FES: variants seen among roughly 807,000 people sequenced by gnomAD.
The protein encoded by FES is tyrosine-protein kinase Fes/Fps.
In FES, 83 loss-of-function variants were observed where a neutral mutation model predicts 109.6. The observed-to-expected ratio is 0.76, with a 90% CI of 0.63 to 0.91. The LOEUF (loss-of-function observed/expected upper bound fraction) is 0.91, where lower values mean the gene tolerates loss of function less well. Among genes scored for constraint, FES ranks in the 40% least tolerant of loss-of-function variants. The pLI is 0.00. For missense variants in FES, 943 were observed against 1,070.9 expected (o/e 0.88, Z 1.67); for synonymous variants, 458 against 442.1 (o/e 1.04, Z -0.45).
rs1229920241 is a variant in FES, at chr15:90,885,178, G to C, written c.133G>C (p.Ala45Pro). ...GCGGGTCAAGAGTGACAGGGAGTATGCAGGACTGCTTCACCACATGTCCCT... is the reference window on the plus strand; with the variant it reads ...GCGGGTCAAGAGTGACAGGGAGTATCCAGGACTGCTTCACCACATGTCCCT... Reference protein sequence around the residue: ...AQRVKSDREYAGLLHHMSLQD... With the variant: ...AQRVKSDREYPGLLHHMSLQD... Residue 45 changes from alanine to proline, a missense_variant, in exon 2 of 19, where the codon GCA (alanine) becomes CCA (proline). Coordinates refer to ENST00000328850, the MANE Select transcript of FES (RefSeq NM_002005.4). 6.2e-7 allele frequency: 1 copy of C among 1,613,792 alleles called. No homozygotes were observed. Among genetic ancestry groups the C allele is most frequent in the Non-Finnish European group, 8.5e-7 (1 of 1,180,032 alleles).
Position 90,887,357 on chromosome 15 carries a change from A to G in FES, c.655A>G (p.Met219Val). The G allele has an allele frequency of 6.2e-7, 1 of 1,610,848 alleles. No homozygotes were observed. The highest frequency in any genetic ancestry group is 8.5e-7 in the Non-Finnish European group (1 of 1,178,702). The stretch of plus-strand genomic sequence containing the variant: ...GTCACTGCAGGACCTGCACGAGGAG[A>G]TGGCTTGCATCCTGTAAGCCCGCAG... ...LRSLQDLHEE[M>V]ACILKEILQE... The change falls in exon 5 of 19, where the codon ATG becomes GTG. Residue 219 changes from methionine (M) to valine (V), a missense_variant. By Grantham distance (21) the Met-to-Val change is conservative (BLOSUM62 1). Transcript: ENST00000328850.
intron 18 of FES, 44 bp from the exon 19 acceptor site, chr15:90,895,372 C>A (rs1285552384): frequency 6.8e-7 from 1 of 1,465,076 alleles, no homozygotes; most frequent in South Asian, 1.4e-5. Context: ...CGAGGACCCT[C>A]AAACTCCCTC....
chr15:90,890,999 G>T lies in FES; in HGVS notation c.1338G>T (p.Gln446His). Residue 446 changes from glutamine (Q) to histidine (H), a missense_variant, in exon 11 of 19, where the codon CAG (glutamine) becomes CAT (histidine). By Grantham distance (24) the Gln-to-His change is conservative. Coordinates refer to ENST00000328850, the MANE Select transcript of FES (RefSeq NM_002005.4). The stretch of plus-strand genomic sequence containing the variant: ...TTGCCCAGCTCCCTCCACCGCTGCA[G>T]CTCATTCCGGAGGTGCAGAAGCCCC... ...RPKFSLPPPL[Q>H]LIPEVQKPLH... 6.3e-7 allele frequency: 1 copy of T among 1,589,256 alleles called. No homozygotes were observed. The highest frequency in any genetic ancestry group is 1.8e-5 in the Admixed American group (1 of 57,102).
chr15:90,891,012 G>A lies in FES; in HGVS notation c.1351G>A (p.Val451Met). ...LPPPLQLIPE[V>M]QKPLHEQLWY... is the part of the protein sequence containing the mutation. ...TCCACCGCTGCAGCTCATTCCGGAGGTGCAGAAGCCCCTGCATGAGCAGCT... is the reference window on the plus strand; with the variant it reads ...TCCACCGCTGCAGCTCATTCCGGAGATGCAGAAGCCCCTGCATGAGCAGCT... Residue 451 changes from valine to methionine, a missense_variant, in exon 11 of 19, where the codon GTG (valine) becomes ATG (methionine). Val to Met is a conservative substitution (Grantham distance 21). Transcript: ENST00000328850. The A allele has an allele frequency of 6.3e-7, 1 of 1,594,450 alleles. No homozygotes were observed. Among genetic ancestry groups the A allele is most frequent in the Non-Finnish European group, 8.5e-7 (1 of 1,170,394 alleles).
intron 1 of FES, 170 bp from the exon 2 acceptor site, chr15:90,884,867 C>G (rs1159258948): frequency 4.7e-6 from 3 of 633,534 alleles, no homozygotes; most frequent in Non-Finnish European, 5.5e-6. Flanking sequence ...AGGGCCAGTC[C>G]CCAGGCCAGG....
intron 5 of FES, 73 bp downstream of exon 5, chr15:90,887,443 G>C: frequency 6.9e-7 from 1 of 1,447,542 alleles, no homozygotes. Context: ...CCCAGAGGCA[G>C]GACCCAGAAA....
chr15:90,889,368 T>A lies in FES; in HGVS notation c.731T>A (p.Ile244Asn). 6.2e-7 allele frequency: 1 copy of A among 1,614,010 alleles called. No individual in the cohort carries two copies. ...CTGGTGCAGGATGAGGTGGTGGCCATTCACCGGGAGATGGCTGCAGCTGCT... is the reference window on the plus strand; with the variant it reads ...CTGGTGCAGGATGAGGTGGTGGCCAATCACCGGGAGATGGCTGCAGCTGCT... ...SSLVQDEVVA[I>N]HREMAAAAAR... The change falls in exon 6 of 19, where the codon ATT (isoleucine) becomes AAT (asparagine). Residue 244 changes from isoleucine to asparagine, a missense_variant. Physicochemically the swap from Ile to Asn is moderately radical, Grantham distance 149. Coordinates refer to ENST00000328850, the MANE Select transcript of FES (RefSeq NM_002005.4). This position sits in a 1 kb window ranked among gnomAD's most constrained non-coding sequence, Gnocchi z 6.1.
rs1596111866 is a variant in FES at position 90,892,605 on chromosome 15, A to G, written c.1708-102A>G. On this transcript the variant is annotated intron_variant, in intron 13 of 18. Transcript: ENST00000328850. The stretch of plus-strand genomic sequence containing the variant: ...GAGAGCCTGGGTGAGGGGTCCGAAC[A>G]CGGGGGCCCCTCACCCAGGGGTAGG... 12 of 1,152,614 alleles carry G rather than the reference A, an allele frequency of 1.0e-5. No homozygotes were observed. In the East Asian group the frequency reaches 3.1e-4, roughly 30 times the overall value. 71.4% of individuals were successfully genotyped at this position (1,152,614 alleles called of 1,614,324 possible). A position where few individuals can be genotyped will look rare whatever the true frequency, so the allele number is the denominator to read the frequency against.
intron 5 of FES, among the ~76,000 whole-genome samples, chr15:90,888,444 G>C (rs1444070100): frequency 1.3e-5 from 2 of 152,230 alleles, no homozygotes; most frequent in Non-Finnish European, 2.9e-5. Context: ...TGGCTGCTGT[G>C]CTGCAAATAG....
At chr15:90,893,437 C>T (rs759664896) in intron 16 of FES, 23 bp downstream of exon 16, 3 of 1,525,700 alleles carry the variant, frequency 2.0e-6, no homozygotes, top group Non-Finnish European at 2.6e-6. Context: ...TGGCCACGGG[C>T]CCTGCCAACA....
At position 90,889,895 on chromosome 15, in the gene FES, C is replaced by T. The variant is rs373882072; in HGVS notation, c.982C>T (p.Gln328Ter). 6.2e-7 allele frequency: 1 copy of T among 1,613,628 alleles called. No homozygotes were observed. Among genetic ancestry groups the T allele is most frequent in the East Asian group, 2.2e-5 (1 of 44,832 alleles). ...GGCCACCGAGATGGTGTTCAGGCGG[C>T]AGGAGATGGTTACGCAGCTGCAACA... is the stretch of plus-strand genomic sequence containing the variant. ...AVATEMVFRR[Q>*]EMVTQLQQEL... The change falls in exon 8 of 19, where the codon CAG becomes TAG. Residue 328 changes from glutamine to a stop codon, truncating the protein, a stop_gained. Coordinates refer to ENST00000328850, the MANE Select transcript of FES (RefSeq NM_002005.4). LOFTEE classifies it high-confidence loss of function. This position sits in a 1 kb window ranked among gnomAD's most constrained non-coding sequence, Gnocchi z 6.1.
Position 90,889,687 on chromosome 15 carries a change from G to A in FES, c.926+51G>A, listed in dbSNP as rs746438688. 1.2e-5 allele frequency: 19 copies of A among 1,608,866 alleles called. No individual in the cohort carries two copies. The highest frequency in any genetic ancestry group is 3.3e-5 in the Admixed American group (2 of 59,958). ...TGCGGCGGGGCTCCCAGCAGACCAC[G>A]AGTGTTTATGTAGGCAGGGCTAGGT... On this transcript the variant is annotated intron_variant, in intron 7 of 18. Transcript: ENST00000328850. The surrounding 1 kb of genome is among the most constrained non-coding windows in gnomAD (Gnocchi z 6.1).
At chr15:90,894,657 T>A (rs1391015397) in intron 18 of FES, among the ~76,000 whole-genome samples, 1 of 152,090 alleles carries the variant, frequency 6.6e-6, no homozygotes, top group African/African-American at 2.4e-5. Flanking sequence ...TCCCTGCTAC[T>A]CGGGAGGCTG....
Position 90,887,384 on chromosome 15 carries a change from C to T in FES, c.668+14C>T, listed in dbSNP as rs1227136096. 1.3e-6 allele frequency: 2 copies of T among 1,599,160 alleles called. No individual in the cohort carries two copies. Among genetic ancestry groups the T allele is most frequent in the Non-Finnish European group, 1.7e-6 (2 of 1,171,620 alleles). On this transcript the variant is annotated intron_variant, in intron 5 of 18. Coordinates refer to ENST00000328850, the MANE Select transcript of FES (RefSeq NM_002005.4). ...GGCTTGCATCCTGTAAGCCCGCAGC[C>T]CCGTCCCCTGGCCCCCACCCTTGAG...
intron 18 of FES, among the ~76,000 whole-genome samples, chr15:90,894,763 C>A (rs2033558205): frequency 1.3e-5 from 2 of 149,926 alleles, no homozygotes; most frequent in South Asian, 4.2e-4. Flanking sequence ...GAGAGAGAGA[C>A]CTTGACTCGA....
intron 10 of FES, 81 bp downstream of exon 10, chr15:90,890,565 C>A: frequency 7.7e-7 from 1 of 1,300,920 alleles, no homozygotes; most frequent in African/African-American, 1.5e-5. Flanking sequence ...GAGGCTCTGC[C>A]CAGGCTGCTT....
intron 10 of FES, 149 bp from the exon 11 acceptor site, chr15:90,890,833 C>T: frequency 2.4e-6 from 2 of 822,396 alleles, no homozygotes; most frequent in Non-Finnish European, 1.9e-6. Context: ...GTCCAGTGCC[C>T]ACTCCAGGGG....
At chr15:90,893,843 G>T (rs763912744) in intron 17 of FES, 32 bp downstream of exon 17, 1 of 1,597,656 alleles carries the variant, frequency 6.3e-7, no homozygotes, top group Non-Finnish European at 8.5e-7. Flanking sequence ...TGGACTCCAT[G>T]GCCAGAGGCC....
rs1012379884 is a variant in FES, at chr15:90,895,341, A to T, written c.2327-75A>T. On this transcript the variant is annotated intron_variant, in intron 18 of 18. Transcript: ENST00000328850. ...GCATCTTAAGCAGCTCCTATGGCTC[A>T]TGGTATCCCCCAGAGTCTGCCGAGG... 5.3e-6 allele frequency: 7 copies of T among 1,311,874 alleles called. No homozygotes were observed. The South Asian group carries it at 1.2e-4, about 23-fold the overall frequency. The allele number at this position is 1,311,874 out of a possible 1,614,324, so 81.3% of individuals were successfully genotyped here. A position where few individuals can be genotyped will look rare whatever the true frequency, so the allele number is the denominator to read the frequency against.
Sources: gnomAD v4.1 joint callset for allele counts (sites outside exome capture counted in the v4.1 genomes callset) on GRCh38, gnomAD v4.1.1 for gene constraint, Gnocchi (gnomAD v3.1) non-coding constraint, MANE v1.5 for transcripts, NCBI Gene and HGNC (gene_info 2026-07-23, HGNC 2026-07-21) for gene names.